ADAMTS17: variants seen among roughly 807,000 people sequenced by gnomAD.
ADAMTS17 encodes the protein ADAM metallopeptidase with thrombospondin type 1 motif 17, also known as A disintegrin and metalloproteinase with thrombospondin motifs 17.
In ADAMTS17, 113 loss-of-function variants were observed where a neutral mutation model predicts 141.5. The observed-to-expected ratio is 0.80, with a 90% CI of 0.69 to 0.93. ADAMTS17 has a LOEUF of 0.93. ADAMTS17 is among the 40% of genes least tolerant of loss of function. ADAMTS17 has a pLI of 0.00. For synonymous variants in ADAMTS17, 768 were observed against 630.6 expected (o/e 1.22, Z -3.27); for missense variants, 1,659 against 1,517.9 (o/e 1.09, Z -1.54).
intron 7 of ADAMTS17, among the ~76,000 whole-genome samples, chr15:100,246,518 C>G (rs4602020): frequency 1.8e-4 from 28 of 152,318 alleles, no homozygotes; most frequent in African/African-American, 6.7e-4. Context: ...TGCAAGTTGT[C>G]TAATTTGGAA....
chr15:100,185,806 C>T (rs1238246101), intron 8 of ADAMTS17, among the ~76,000 whole-genome samples: 10 of 152,200 alleles, frequency 6.6e-5, no homozygotes, highest in African/African-American at 1.7e-4. Context: ...TGCCTATGAA[C>T]GTGCTTCTGG....
At chr15:100,260,766 T>C (rs1297179081) in intron 6 of ADAMTS17, among the ~76,000 whole-genome samples, 1 of 152,130 alleles carries the variant, frequency 6.6e-6, no homozygotes. Flanking sequence ...AGCACGCAAT[T>C]TGGGAAGTAG....
At chr15:100,209,980 G>T (rs2041738148) in intron 7 of ADAMTS17, among the ~76,000 whole-genome samples, 2 of 152,134 alleles carry the variant, frequency 1.3e-5, no homozygotes, top group Admixed American at 6.5e-5. Flanking sequence ...TTTCCAGGTT[G>T]CCTCTATGCC....
chr15:100,077,996 A>G (rs2034494344), intron 15 of ADAMTS17, among the ~76,000 whole-genome samples: 1 of 148,640 alleles, frequency 6.7e-6, no homozygotes, highest in South Asian at 2.1e-4. Context: ...AAACAATTCA[A>G]TTTAAGTAGC....
intron 4 of ADAMTS17, among the ~76,000 whole-genome samples, chr15:100,278,531 A>G (rs949302494): frequency 6.6e-6 from 1 of 152,070 alleles, no homozygotes; most frequent in Admixed American, 6.6e-5. Flanking sequence ...AGAGCCTGGC[A>G]TATGAGGAAA....
intron 15 of ADAMTS17, among the ~76,000 whole-genome samples, chr15:100,078,273 A>T (rs1317176328): frequency 6.6e-6 from 1 of 152,104 alleles, no homozygotes; most frequent in Non-Finnish European, 1.5e-5. Context: ...TGAAAATGCA[A>T]CAGACCCAGA....
At chr15:100,068,982 T>G (rs1171164739) in intron 15 of ADAMTS17, among the ~76,000 whole-genome samples, 1 of 152,070 alleles carries the variant, frequency 6.6e-6, no homozygotes, top group Non-Finnish European at 1.5e-5. Context: ...GGCATAGAAG[T>G]TAAAAACCTT....
intron 3 of ADAMTS17, chr15:100,306,625 G>C (rs1042147286): frequency 6.6e-6 from 3 of 454,758 alleles, no homozygotes; most frequent in Non-Finnish European, 1.3e-5. Context: ...CTGACCCACA[G>C]AATCTATGAA....
At chr15:99,983,933 C>T (rs894641640) in intron 20 of ADAMTS17, among the ~76,000 whole-genome samples, 4 of 152,160 alleles carry the variant, frequency 2.6e-5, no homozygotes, top group Non-Finnish European at 5.9e-5. Context: ...GGTTTCTCCC[C>T]GAGACTTGGC....
At chr15:100,066,053 A>G (rs915262347) in intron 15 of ADAMTS17, among the ~76,000 whole-genome samples, 2 of 152,170 alleles carry the variant, frequency 1.3e-5, no homozygotes, top group African/African-American at 4.8e-5. Context: ...AAGGACATGA[A>G]CTCATTCTTT....
chr15:100,209,940 T>C (rs1437114826), intron 7 of ADAMTS17, among the ~76,000 whole-genome samples: 2 of 152,242 alleles, frequency 1.3e-5, no homozygotes, highest in East Asian at 1.9e-4. Flanking sequence ...GAAAAACAAA[T>C]GTTCTTCACC....
intron 7 of ADAMTS17, among the ~76,000 whole-genome samples, chr15:100,248,858 G>A (rs1332991422): frequency 1.3e-5 from 2 of 151,732 alleles, no homozygotes; most frequent in East Asian, 3.9e-4. Flanking sequence ...GAGTGCAGTG[G>A]TGCGATCTCG....
chr15:100,013,594 G>A (rs1357558254), intron 18 of ADAMTS17, among the ~76,000 whole-genome samples: 4 of 152,194 alleles, frequency 2.6e-5, no homozygotes, highest in Non-Finnish European at 5.9e-5. Flanking sequence ...TAATCATAAA[G>A]CGATGCGGGA....
chr15:100,235,029 A>G (rs2042610994), intron 7 of ADAMTS17, among the ~76,000 whole-genome samples: 1 of 152,248 alleles, frequency 6.6e-6, no homozygotes, highest in African/African-American at 2.4e-5. Flanking sequence ...TTCACGGAAT[A>G]AAACCCCAGA....
intron 8 of ADAMTS17, among the ~76,000 whole-genome samples, chr15:100,196,476 A>T (rs961345306): frequency 6.6e-6 from 1 of 152,228 alleles, no homozygotes. Context: ...TGCTTACACC[A>T]ATCGCCCTAC....
chr15:100,059,347 C>T (rs1022003872), intron 15 of ADAMTS17, among the ~76,000 whole-genome samples: 6 of 151,994 alleles, frequency 3.9e-5, no homozygotes, highest in South Asian at 2.1e-4. Flanking sequence ...AGAGCCTGCA[C>T]GCCTCTCCTC....
chr15:100,339,664 TCCACATTCCC>T, intron 2 of ADAMTS17, among the ~76,000 whole-genome samples: 1 of 110,160 alleles, frequency 9.1e-6, no homozygotes, highest in African/African-American at 3.3e-5. Flanking sequence ...CCGCCCCAGG[TCCACATTCCC>T]CGCCCCAGGT....
At chr15:100,250,936 T>C (rs142991072) in intron 7 of ADAMTS17, among the ~76,000 whole-genome samples, 1,968 of 152,318 alleles carry the variant, frequency 0.013, 42 homozygotes, top group African/African-American at 0.044. Flanking sequence ...CTGAGATCAA[T>C]ATACGACTGC....
At chr15:100,065,207 C>T (rs35459030) in intron 15 of ADAMTS17, among the ~76,000 whole-genome samples, 34,858 of 152,054 alleles carry the variant, frequency 0.23, 4,933 homozygotes, top group East Asian at 0.51. Flanking sequence ...GGTGACCAGC[C>T]TTTTCAACAC....
Sources: gnomAD v4.1 joint callset for allele counts (sites outside exome capture counted in the v4.1 genomes callset) on GRCh38, gnomAD v4.1.1 for gene constraint, MANE v1.5 for transcripts, NCBI Gene and HGNC (gene_info 2026-07-23, HGNC 2026-07-21) for gene names.